Variants in COL6A6 observed in about 807,000 individuals in gnomAD.
COL6A6 encodes the protein collagen type VI alpha 6 chain.
A neutral mutation model predicts 208.6 loss-of-function variants in COL6A6; 183 were observed. The ratio of observed to expected loss-of-function variants is 0.88; its 90% CI spans 0.78 to 0.99. The LOEUF (loss-of-function observed/expected upper bound fraction) is 0.99. Ranked by LOEUF, COL6A6 falls within the 50% of genes least tolerant of loss-of-function variation. The pLI is 0.00. For synonymous variants in COL6A6, 973 were observed against 1,011.8 expected (o/e 0.96, Z 0.73); for missense variants, 2,816 against 2,815.2 (o/e 1.00, Z -0.01).
intron 1 of COL6A6, among the ~76,000 whole-genome samples, chr3:130,539,288 G>T (rs1441444047): frequency 3.3e-5 from 5 of 152,224 alleles, no homozygotes; most frequent in African/African-American, 1.2e-4. Context: ...GAACAACTAA[G>T]AAGTGTCAGC....
chr3:130,642,639 T>C (rs1435742806), intron 29 of COL6A6, among the ~76,000 whole-genome samples, 193 bp from the exon 30 acceptor site: 1 of 152,200 alleles, frequency 6.6e-6, no homozygotes, highest in African/African-American at 2.4e-5. Context: ...GCTTGCTGCT[T>C]AAAGTTTGTT....
At chr3:130,643,804 AAATT>A (rs1378709723) in intron 31 of COL6A6, among the ~76,000 whole-genome samples, 1 of 152,242 alleles carries the variant, frequency 6.6e-6, no homozygotes, top group African/African-American at 2.4e-5. Flanking sequence ...GAAGAAAAAT[AAATT>A]AGAGCCTATT....
At chr3:130,529,954 G>A (rs2062045255) in intron 1 of COL6A6, among the ~76,000 whole-genome samples, 1 of 152,200 alleles carries the variant, frequency 6.6e-6, no homozygotes, top group Non-Finnish European at 1.5e-5. Flanking sequence ...TTCTCAAAGT[G>A]TTGTCCTCAG....
chr3:130,639,461 A>G (rs1659788879), intron 28 of COL6A6, among the ~76,000 whole-genome samples: 1 of 152,148 alleles, frequency 6.6e-6, no homozygotes, highest in African/African-American at 2.4e-5. Context: ...GGGAGGCCTA[A>G]GCAGGCAGAT....
At chr3:130,622,596 G>A (rs939677566) in intron 24 of COL6A6, among the ~76,000 whole-genome samples, 6 of 151,772 alleles carry the variant, frequency 4.0e-5, no homozygotes, top group Non-Finnish European at 8.8e-5. Context: ...GGTGGCTCAC[G>A]CCTGTAATCC....
At chr3:130,557,356 A>G (rs1469271180) in intron 1 of COL6A6, among the ~76,000 whole-genome samples, 2 of 152,236 alleles carry the variant, frequency 1.3e-5, no homozygotes, top group Non-Finnish European at 2.9e-5. Context: ...ACCAGCATTT[A>G]TTCAATATTT....
chr3:130,654,990 G>A (rs2065750113), intron 33 of COL6A6, among the ~76,000 whole-genome samples: 1 of 152,172 alleles, frequency 6.6e-6, no homozygotes, highest in South Asian at 2.1e-4. Flanking sequence ...GTGGGTTCAG[G>A]TGGAGCCATT....
Position 130,598,395 on chromosome 3 carries a change from G to C in COL6A6, c.4564G>C (p.Gly1522Arg). ...TCCTGGAGTTGACAGTAGCATAGAA[G>C]GACCCACAGGCTTGAAAGGAGAACG... ...GAPGVDSSIEGPTGLKGERGR... is the reference protein window; with the variant it reads ...GAPGVDSSIERPTGLKGERGR... The change falls in exon 19 of 37, where the codon GGA becomes CGA. Residue 1522 changes from glycine (G) to arginine (R), a missense_variant. By Grantham distance (125) the Gly-to-Arg change is moderately radical. Coordinates refer to ENST00000358511, the MANE Select transcript of COL6A6 (RefSeq NM_001102608.3). 6.4e-7 allele frequency: 1 copy of C among 1,551,922 alleles called. No homozygotes were observed. The highest frequency in any genetic ancestry group is 8.7e-7 in the Non-Finnish European group (1 of 1,146,710).
intron 21 of COL6A6, among the ~76,000 whole-genome samples, 194 bp from the exon 22 acceptor site, chr3:130,608,708 A>G (rs1339895942): frequency 2.8e-5 from 4 of 142,912 alleles, no homozygotes; most frequent in Non-Finnish European, 6.0e-5. Flanking sequence ...AGCTATGGTT[A>G]TCTCTGATGA....
chr3:130,675,465 T>G lies in COL6A6; in HGVS notation c.*68T>G. ...TCTGGACTTAAATAGTAACTAAATC[T>G]GCTGCCAGAACTCAAGCAACAGTTT... On this transcript the variant is annotated 3_prime_UTR_variant, in exon 37 of 37. Coordinates refer to ENST00000358511, the MANE Select transcript of COL6A6 (RefSeq NM_001102608.3). 2 of 1,203,380 alleles carry G rather than the reference T, an allele frequency of 1.7e-6. No individual in the cohort carries two copies. The highest frequency in any genetic ancestry group is 3.4e-5 in the South Asian group (2 of 59,162). The allele number at this position is 1,203,380 out of a possible 1,614,324, so 74.5% of individuals were successfully genotyped here. A position where few individuals can be genotyped will look rare whatever the true frequency, so the allele number is the denominator to read the frequency against.
intron 28 of COL6A6, 21 bp from the exon 29 acceptor site, chr3:130,641,631 T>C: frequency 7.0e-7 from 1 of 1,431,418 alleles, no homozygotes; most frequent in Non-Finnish European, 9.7e-7. Context: ...AATACAATTT[T>C]AAAATAAATT....
In COL6A6 at chr3:130,570,869, G is replaced by T. The variant is rs750212806; in HGVS notation, c.2453G>T (p.Gly818Val). 6.2e-7 allele frequency: 1 copy of T among 1,613,896 alleles called. No homozygotes were observed. The highest frequency in any genetic ancestry group is 1.1e-5 in the South Asian group (1 of 91,046). Residue 818 changes from glycine to valine, a missense_variant, in exon 7 of 37, where the codon GGC becomes GTC. By Grantham distance (109) the Gly-to-Val change is moderately radical. Coordinates refer to ENST00000358511, the MANE Select transcript of COL6A6 (RefSeq NM_001102608.3). ...GTTGTGTTTGTCATTGATAGCTCTGGCAGTATTGACTATGATGAGTATAAT... is the reference window on the plus strand; with the variant it reads ...GTTGTGTTTGTCATTGATAGCTCTGTCAGTATTGACTATGATGAGTATAAT... ...LDVVFVIDSS[G>V]SIDYDEYNIM...
At chr3:130,667,272 T>C in intron 36 of COL6A6, among the ~76,000 whole-genome samples, 1 of 152,248 alleles carries the variant, frequency 6.6e-6, no homozygotes, top group East Asian at 1.9e-4. Flanking sequence ...AGTTTCACTC[T>C]GTCGCCCAGG....
chr3:130,582,024 ATGT>A lies in COL6A6; in HGVS notation c.3929_3931del (p.Val1310del). ...TTATTTTCAGATGGATTGGATGATG[ATGT>A]TGAGAAACTTGAACAAAAATCTGAT... On this transcript the variant is annotated inframe_deletion, in exon 10 of 37. Transcript: ENST00000358511. 1 of 1,610,234 alleles carries A rather than the reference ATGT, an allele frequency of 6.2e-7. No homozygotes were observed. The highest frequency in any genetic ancestry group is 8.5e-7 in the Non-Finnish European group (1 of 1,177,696).
rs1363030619 is a variant in COL6A6, at chr3:130,592,605, G to A, written c.4337G>A (p.Gly1446Asp). 5.6e-6 allele frequency: 9 copies of A among 1,613,488 alleles called. No homozygotes were observed. The highest frequency in any genetic ancestry group is 7.6e-6 in the Non-Finnish European group (9 of 1,179,548). The stretch of plus-strand genomic sequence containing the variant: ...ACTAAGGGATGCTATGGCACCAAAG[G>A]TCCTAAGGTAAGGATTGCATAAGAG... ...QGTKGCYGTK[G>D]PKGNRGLNGQ... The change falls in exon 14 of 37, where the codon GGT becomes GAT. Residue 1446 changes from glycine (G) to aspartate (D), a missense_variant. By Grantham distance (94) the Gly-to-Asp change is moderately conservative (BLOSUM62 -1). Coordinates refer to ENST00000358511, the MANE Select transcript of COL6A6 (RefSeq NM_001102608.3).
intron 35 of COL6A6, 42 bp downstream of exon 35, chr3:130,662,350 A>C: frequency 6.5e-7 from 1 of 1,539,904 alleles, no homozygotes; most frequent in East Asian, 2.3e-5. Flanking sequence ...TTAAGAATAT[A>C]CTTGGTATTA....
At chr3:130,624,016 A>T (rs1288520917) in intron 24 of COL6A6, among the ~76,000 whole-genome samples, 1 of 152,152 alleles carries the variant, frequency 6.6e-6, no homozygotes, top group African/African-American at 2.4e-5. Context: ...AAAGTGTAGC[A>T]ATTGAGAGGA....
At chr3:130,669,030 TCAA>T (rs1019503812) in intron 36 of COL6A6, among the ~76,000 whole-genome samples, 13 of 152,226 alleles carry the variant, frequency 8.5e-5, no homozygotes, top group African/African-American at 2.4e-4. Context: ...AAAGCAAGTG[TCAA>T]CAAATCTCTG....
intron 1 of COL6A6, among the ~76,000 whole-genome samples, chr3:130,536,296 C>T (rs1419508746): frequency 6.6e-6 from 1 of 152,228 alleles, no homozygotes; most frequent in Non-Finnish European, 1.5e-5. Flanking sequence ...AGACACCTGT[C>T]TCTTTTCATT....
Sources: gnomAD v4.1 joint callset for allele counts (sites outside exome capture counted in the v4.1 genomes callset) on GRCh38, gnomAD v4.1.1 for gene constraint, MANE v1.5 for transcripts, NCBI Gene and HGNC (gene_info 2026-07-23, HGNC 2026-07-21) for gene names.